The following CTNNA3 variants were observed in gnomAD, a reference collection of about 807,000 sequenced individuals.
CTNNA3 encodes catenin alpha-3.
In CTNNA3, 76 loss-of-function variants were observed where a neutral mutation model predicts 95.7. The observed-to-expected ratio is 0.79, with a 90% confidence interval of 0.66 to 0.96. The LOEUF is 0.96. Among genes scored for constraint, CTNNA3 ranks in the 40% least tolerant of loss-of-function variants. The probability of loss-of-function intolerance (pLI) is 0.00; values close to 1 mark genes in which losing one functional copy is unlikely to be tolerated. For missense variants in CTNNA3, 1,191 were observed against 1,089.8 expected (o/e 1.09, Z -1.31); for synonymous variants, 431 against 374.4 (o/e 1.15, Z -1.74).
intron 5 of CTNNA3, among the ~76,000 whole-genome samples, chr10:67,318,012 CA>C (rs1841135131): frequency 1.5e-5 from 1 of 64,922 alleles, no homozygotes; most frequent in African/African-American, 2.9e-5. Context: ...CAATGAAAAC[CA>C]TTTTTTTTTT....
At chr10:66,245,521 G>C (rs11527368) in intron 13 of CTNNA3, among the ~76,000 whole-genome samples, 57,023 of 152,094 alleles carry the variant, frequency 0.37, 11,139 homozygotes, top group East Asian at 0.46. Context: ...GACAAGTGGA[G>C]GGTAAGCAAG....
chr10:66,234,463 G>A (rs535419518), intron 13 of CTNNA3, among the ~76,000 whole-genome samples: 1 of 152,190 alleles, frequency 6.6e-6, no homozygotes, highest in African/African-American at 2.4e-5. Flanking sequence ...GTGTGTGAAG[G>A]ATGATTGAAC....
chr10:66,332,137 G>T (rs899087487), intron 12 of CTNNA3, among the ~76,000 whole-genome samples: 1 of 152,026 alleles, frequency 6.6e-6, no homozygotes, highest in African/African-American at 2.4e-5. Flanking sequence ...AGCTTAAGGA[G>T]ATTGTGGGCT....
intron 3 of CTNNA3, among the ~76,000 whole-genome samples, chr10:67,566,209 G>C (rs1293103376): frequency 3.5e-5 from 5 of 141,398 alleles, no homozygotes; most frequent in East Asian, 2.0e-4. Context: ...CACAGCAAAA[G>C]AAACTACCAT....
At chr10:66,494,018 C>T (rs1358042535) in intron 11 of CTNNA3, among the ~76,000 whole-genome samples, 2 of 150,688 alleles carry the variant, frequency 1.3e-5, no homozygotes, top group Non-Finnish European at 2.9e-5. Context: ...AACGATTCTC[C>T]TGCCTCAGCC....
intron 7 of CTNNA3, among the ~76,000 whole-genome samples, chr10:66,779,877 C>G (rs1349300050): frequency 1.3e-5 from 2 of 152,120 alleles, no homozygotes; most frequent in African/African-American, 2.4e-5. Flanking sequence ...CTAGTCGCTG[C>G]CTTTCAGGTG....
At chr10:66,504,224 T>A (rs1840374267) in intron 11 of CTNNA3, among the ~76,000 whole-genome samples, 1 of 152,116 alleles carries the variant, frequency 6.6e-6, no homozygotes, top group Non-Finnish European at 1.5e-5. Context: ...TTACCAGCAG[T>A]CCTTGGTAAC....
chr10:67,143,007 G>C (rs114754576), intron 7 of CTNNA3, among the ~76,000 whole-genome samples: 3,382 of 152,252 alleles, frequency 0.022, 128 homozygotes, highest in African/African-American at 0.077. Flanking sequence ...TTTTGATGGT[G>C]GCGGTTCTTG....
intron 7 of CTNNA3, among the ~76,000 whole-genome samples, chr10:67,156,159 T>C (rs1760011458): frequency 6.6e-6 from 1 of 152,068 alleles, no homozygotes; most frequent in African/African-American, 2.4e-5. Flanking sequence ...TCATTTATAA[T>C]TTTATTTGAG....
intron 5 of CTNNA3, among the ~76,000 whole-genome samples, chr10:67,349,530 T>C (rs1842555771): frequency 6.6e-6 from 1 of 152,058 alleles, no homozygotes; most frequent in African/African-American, 2.4e-5. Flanking sequence ...AATGGAATGG[T>C]GATTGCCAGG....
chr10:66,625,674 C>T (rs901192957), intron 9 of CTNNA3, among the ~76,000 whole-genome samples: 1 of 152,200 alleles, frequency 6.6e-6, no homozygotes, highest in African/African-American at 2.4e-5. Context: ...CAGCCATGTG[C>T]CATGGCACTG....
intron 7 of CTNNA3, among the ~76,000 whole-genome samples, chr10:66,839,027 T>C (rs529676735): frequency 4.2e-5 from 2 of 47,674 alleles, no homozygotes; most frequent in African/African-American, 3.0e-4. Context: ...AATACATTCA[T>C]ACTTATAAAA....
At chr10:66,102,939 A>G (rs1392779135) in intron 14 of CTNNA3, among the ~76,000 whole-genome samples, 1 of 152,182 alleles carries the variant, frequency 6.6e-6, no homozygotes, top group Non-Finnish European at 1.5e-5. Flanking sequence ...GTGATTCACT[A>G]CATGACCTGA....
At chr10:67,483,788 C>CAA (rs1014896049) in intron 5 of CTNNA3, among the ~76,000 whole-genome samples, 4 of 129,494 alleles carry the variant, frequency 3.1e-5, no homozygotes, top group African/African-American at 1.1e-4. Context: ...AAAAAAAAAA[C>CAA]AAAAAAAAAA....
intron 10 of CTNNA3, among the ~76,000 whole-genome samples, chr10:66,573,426 G>GAGAT (rs1842924761): frequency 6.6e-6 from 1 of 152,136 alleles, no homozygotes; most frequent in African/African-American, 2.4e-5. Flanking sequence ...AATGAGAAAA[G>GAGAT]AGATAGCATT....
At chr10:65,994,397 A>G (rs10822689) in intron 15 of CTNNA3, among the ~76,000 whole-genome samples, 87,184 of 151,466 alleles carry the variant, frequency 0.58, 26,576 homozygotes, top group Non-Finnish European at 0.69. Context: ...TGAAGGATCA[A>G]TTTTGCTGGG....
At chr10:67,461,312 C>G (rs543071344) in intron 5 of CTNNA3, among the ~76,000 whole-genome samples, 1 of 151,750 alleles carries the variant, frequency 6.6e-6, no homozygotes, top group South Asian at 2.1e-4. Context: ...AAATTGTATT[C>G]CAAGATCTTA....
intron 9 of CTNNA3, among the ~76,000 whole-genome samples, chr10:66,713,545 G>A (rs1848360020): frequency 6.6e-6 from 1 of 151,974 alleles, no homozygotes; most frequent in African/African-American, 2.4e-5. Flanking sequence ...TGGGTTGCTG[G>A]TTCCCTACTA....
intron 3 of CTNNA3, among the ~76,000 whole-genome samples, chr10:67,577,648 G>C (rs1380980889): frequency 2.6e-5 from 4 of 151,280 alleles, no homozygotes; most frequent in African/African-American, 7.3e-5. Flanking sequence ...ATATGTATGT[G>C]TATATATATA....
Sources: gnomAD v4.1 joint callset for allele counts (sites outside exome capture counted in the v4.1 genomes callset) on GRCh38, gnomAD v4.1.1 for gene constraint, MANE v1.5 for transcripts, NCBI Gene and HGNC (gene_info 2026-07-23, HGNC 2026-07-21) for gene names.